Variants in PLAAT5 observed in about 807,000 individuals in gnomAD.
The protein encoded by PLAAT5 is Ca(2+)-independent N-acyltransferase.
In PLAAT5, 27 loss-of-function variants were observed where a neutral mutation model predicts 27.8. The observed-to-expected ratio is 0.97, with a 90% CI of 0.72 to 1.34. The LOEUF (loss-of-function observed/expected upper bound fraction) is 1.34, where lower values mean the gene tolerates loss of function less well. PLAAT5 is among the 40% of genes most tolerant of loss of function. PLAAT5 has a pLI of 0.00. For missense variants in PLAAT5, 368 were observed against 343.8 expected, an observed-to-expected ratio of 1.07 and a Z score of -0.56; for synonymous variants, 125 against 136.1, an observed-to-expected ratio of 0.92 and a Z score of 0.57.
chr11:63,484,892 C>T (rs765328053), intron 3 of PLAAT5, among the ~76,000 whole-genome samples: 6 of 152,118 alleles, frequency 3.9e-5, no homozygotes, highest in African/African-American at 4.8e-5. Context: ...CTGGAAAACC[C>T]TAAAGCCTAA....
intron 2 of PLAAT5, among the ~76,000 whole-genome samples, chr11:63,489,730 T>C (rs893058120): frequency 1.1e-4 from 17 of 152,212 alleles, no homozygotes; most frequent in African/African-American, 4.1e-4. Context: ...ACATCTGGTA[T>C]ACCACCAACT....
chr11:63,490,115 C>T, intron 2 of PLAAT5, 128 bp downstream of exon 2: 1 of 1,258,034 alleles, frequency 7.9e-7, no homozygotes, highest in Non-Finnish European at 1.1e-6. Context: ...CAGCCTTCCC[C>T]TTGCTGGGTA....
chr11:63,472,278 C>G (rs1186541329), intron 3 of PLAAT5, among the ~76,000 whole-genome samples: 2 of 152,146 alleles, frequency 1.3e-5, no homozygotes, highest in Non-Finnish European at 2.9e-5. Flanking sequence ...AATCCTATAT[C>G]CACACACACA....
chr11:63,472,969 G>T (rs1334072395), intron 3 of PLAAT5, among the ~76,000 whole-genome samples: 1 of 152,044 alleles, frequency 6.6e-6, no homozygotes. Flanking sequence ...AATGAGCCAG[G>T]AGTGGTGGCA....
chr11:63,490,777 AGAC>A, intron 1 of PLAAT5, 107 bp downstream of exon 1: 1 of 1,040,254 alleles, frequency 9.6e-7, no homozygotes. Flanking sequence ...GATGGCTAAC[AGAC>A]AACACAATCG....
chr11:63,490,501 C>T, intron 1 of PLAAT5, 168 bp from the exon 2 acceptor site: 1 of 1,060,062 alleles, frequency 9.4e-7, no homozygotes, highest in East Asian at 2.4e-5. Context: ...GAACTAGGTG[C>T]TGGAGCGGGT....
intron 5 of PLAAT5, among the ~76,000 whole-genome samples, chr11:63,465,058 A>G (rs2015821561): frequency 6.6e-6 from 1 of 152,142 alleles, no homozygotes; most frequent in Admixed American, 6.5e-5. Flanking sequence ...CGGGTGGATC[A>G]CCTGAGGTCA....
chr11:63,465,061 T>A (rs1375671938), intron 5 of PLAAT5, among the ~76,000 whole-genome samples: 1 of 152,126 alleles, frequency 6.6e-6, no homozygotes, highest in Non-Finnish European at 1.5e-5. Flanking sequence ...GTGGATCACC[T>A]GAGGTCAGGC....
At chr11:63,474,179 G>C (rs1026161702) in intron 3 of PLAAT5, among the ~76,000 whole-genome samples, 3 of 151,892 alleles carry the variant, frequency 2.0e-5, no homozygotes, top group Non-Finnish European at 4.4e-5. Flanking sequence ...CTTTTTTTGA[G>C]ATACCTTGGC....
At chr11:63,483,031 A>T (rs1445902029) in intron 3 of PLAAT5, among the ~76,000 whole-genome samples, 1 of 152,240 alleles carries the variant, frequency 6.6e-6, no homozygotes, top group Non-Finnish European at 1.5e-5. Context: ...ATAATAATAA[A>T]AAGATCAGTC....
Position 63,490,298 on chromosome 11 carries a change from G to C in PLAAT5, c.184C>G (p.Pro62Ala). Residue 62 changes from proline (P) to alanine (A), a missense_variant, in exon 2 of 6, where the codon CCA becomes GCA. By Grantham distance (27) the Pro-to-Ala change is conservative (BLOSUM62 -1). Transcript: ENST00000540857. ...GTGCCCGGCGGAGGCTGCTTGGCTGGGAGCTGGACCAACGCTGCGAATCCC... is the reference window on the plus strand; with the variant it reads ...GTGCCCGGCGGAGGCTGCTTGGCTGCGAGCTGGACCAACGCTGCGAATCCC... ...SVGFAALVQL[P>A]AKQPPPGTLE... The C allele has an allele frequency of 6.2e-7, 1 of 1,614,180 alleles. No homozygotes were observed. Among genetic ancestry groups the C allele is most frequent in the Non-Finnish European group, 8.5e-7 (1 of 1,180,030 alleles).
At chr11:63,477,152 T>C (rs1231517652) in intron 3 of PLAAT5, among the ~76,000 whole-genome samples, 1 of 152,212 alleles carries the variant, frequency 6.6e-6, no homozygotes. Context: ...ATACTCAAAA[T>C]AGCAGTTTAG....
Position 63,486,394 on chromosome 11 carries a change from A to G in PLAAT5, c.345+2477T>C, listed in dbSNP as rs1308419288. Among the ~76,000 whole-genome samples, 4 of 152,176 alleles carry G rather than the reference A, an allele frequency of 2.6e-5. 1 individual carries two copies. The highest frequency in any genetic ancestry group is 7.2e-5 in the African/African-American group (3 of 41,426). ...ATGGAACCAGCCTAAATGACCATCA[A>G]CCAATGAGTGGACAAAGAAAATGTG... On this transcript the variant is annotated intron_variant, in intron 3 of 5. Transcript: ENST00000540857.
chr11:63,463,643 TG>T, intron 5 of PLAAT5, 48 bp from the exon 6 acceptor site: 1 of 1,483,106 alleles, frequency 6.7e-7, no homozygotes, highest in Non-Finnish European at 9.4e-7. Flanking sequence ...ATCCTAGGCT[TG>T]CACCCTCCCC....
At chr11:63,489,208 T>G (rs1227888397) in intron 2 of PLAAT5, among the ~76,000 whole-genome samples, 2 of 152,028 alleles carry the variant, frequency 1.3e-5, no homozygotes, top group African/African-American at 2.4e-5. Context: ...GTTTTGGGGG[T>G]TTTTATTTTT....
At chr11:63,477,667 G>T (rs546493386) in intron 3 of PLAAT5, among the ~76,000 whole-genome samples, 1 of 152,076 alleles carries the variant, frequency 6.6e-6, no homozygotes, top group East Asian at 1.9e-4. Flanking sequence ...TAGAGACAGG[G>T]TTTCACCATG....
At chr11:63,477,689 G>A (rs1292573322) in intron 3 of PLAAT5, among the ~76,000 whole-genome samples, 2 of 152,138 alleles carry the variant, frequency 1.3e-5, no homozygotes, top group Non-Finnish European at 2.9e-5. Context: ...TGGCGAGGCT[G>A]GTCTCGAACT....
intron 4 of PLAAT5, among the ~76,000 whole-genome samples, chr11:63,466,718 T>C (rs1318090520): frequency 2.0e-5 from 3 of 152,112 alleles, no homozygotes; most frequent in Non-Finnish European, 4.4e-5. Flanking sequence ...TTCACAAACA[T>C]GTAAAGAGCA....
At chr11:63,489,675 G>A (rs889510202) in intron 2 of PLAAT5, among the ~76,000 whole-genome samples, 2 of 152,144 alleles carry the variant, frequency 1.3e-5, no homozygotes, top group South Asian at 2.1e-4. Context: ...AGATGAAAAT[G>A]TGTCTCACAG....
Sources: allele counts gnomAD v4.1 joint callset (sites outside exome capture counted in the v4.1 genomes callset), GRCh38; gene constraint gnomAD v4.1.1; transcripts MANE v1.5; gene names NCBI Gene and HGNC (gene_info 2026-07-23, HGNC 2026-07-21).